The following NUDT16 variants were observed in gnomAD, a reference collection of about 807,000 sequenced individuals.
NUDT16 encodes the protein nudix hydrolase 16, also known as U8 snoRNA-decapping enzyme.
A neutral mutation model predicts 11.7 loss-of-function variants in NUDT16; 12 were observed. The ratio of observed to expected loss-of-function variants is 1.03; its 90% CI spans 0.66 to 1.67. NUDT16 has a LOEUF of 1.67. Among genes scored for constraint, NUDT16 ranks in the 40% most tolerant of loss-of-function variants. NUDT16 has a pLI of 0.00. For synonymous variants in NUDT16, 129 were observed against 122.6 expected, an observed-to-expected ratio of 1.05 and a Z score of -0.35; for missense variants, 303 against 268.9, an observed-to-expected ratio of 1.13 and a Z score of -0.89.
rs1310376505 is a variant in NUDT16, at chr3:131,385,674, GTTAA to G, written c.*2337_*2340del. 6.6e-6 allele frequency: 1 copy of G among 152,276 alleles called. No homozygotes were observed. The highest frequency in any genetic ancestry group is 1.5e-5 in the Non-Finnish European group (1 of 68,098). The allele number at this position is 152,276 out of a possible 1,614,324, so 9.4% of individuals were successfully genotyped here. On this transcript the variant is annotated 3_prime_UTR_variant, in exon 3 of 3. Coordinates refer to ENST00000521288, the MANE Select transcript of NUDT16 (RefSeq NM_152395.3). ...TGTACAATGAGGTAGACTCCTAGAG[GTTAA>G]TTATCATCTCCTAATCTTACCCTGA...
At chr3:131,381,977 G>A (rs2097455622) in intron 1 of NUDT16, 35 bp downstream of exon 1, 1 of 1,599,432 alleles carries the variant, frequency 6.3e-7, no homozygotes, top group South Asian at 1.1e-5. Flanking sequence ...CTTTCTGCCT[G>A]AGCCCCGCAC....
In NUDT16 at chr3:131,382,100, C is replaced by A; in HGVS notation, c.193C>A (p.Gln65Lys). 1 of 1,599,394 alleles carries A rather than the reference C, an allele frequency of 6.3e-7. No individual in the cohort carries two copies. The highest frequency in any genetic ancestry group is 8.5e-7 in the Non-Finnish European group (1 of 1,172,896). The change falls in exon 2 of 3, where the codon CAG (glutamine) becomes AAG (lysine). Residue 65 changes from glutamine (Q) to lysine (K), a missense_variant. Transcript: ENST00000521288. ...CTTCCCCGGCGGATTCGTGGACACG[C>A]AGGACAGAAGCCTAGAGGACGGGCT... The part of the protein sequence containing the change: ...LGFPGGFVDT[Q>K]DRSLEDGLNR...
rs535825759 is a variant in NUDT16 at position 131,386,927 on chromosome 3, T to C, written c.*3586T>C. 1 of 152,340 alleles carries C rather than the reference T, an allele frequency of 6.6e-6. No individual in the cohort carries two copies. The highest frequency in any genetic ancestry group is 1.9e-4 in the East Asian group (1 of 5,176). 9.4% of individuals were successfully genotyped at this position (152,340 alleles called of 1,614,324 possible). A position where few individuals can be genotyped will look rare whatever the true frequency, so the allele number is the denominator to read the frequency against. On this transcript the variant is annotated 3_prime_UTR_variant, in exon 3 of 3. Transcript: ENST00000521288. Reference sequence around the variant, plus strand: ...GAGAAGAGGGAAGGCATGTTTCCTATATGAGTTTCAGTTTGTTGCACAGAA... The same window carrying C: ...GAGAAGAGGGAAGGCATGTTTCCTACATGAGTTTCAGTTTGTTGCACAGAA...
chr3:131,383,599 C>T lies in NUDT16; in HGVS notation c.*258C>T. On this transcript the variant is annotated 3_prime_UTR_variant, in exon 3 of 3. Transcript: ENST00000521288. This position sits in a 1 kb window ranked among gnomAD's most constrained non-coding sequence, Gnocchi z 4.4. The stretch of plus-strand genomic sequence containing the variant: ...CTCCTCCCTGTTTATATGCGTACAG[C>T]CTGGTAACCCCCAGGCATGCAAATA... 1 of 649,958 alleles carries T rather than the reference C, an allele frequency of 1.5e-6. No homozygotes were observed. The highest frequency in any genetic ancestry group is 2.6e-6 in the Non-Finnish European group (1 of 382,426). The allele number at this position is 649,958 out of a possible 1,614,324, so 40.3% of individuals were successfully genotyped here.
Position 131,383,687 on chromosome 3 carries a change from G to T in NUDT16, c.*346G>T. On this transcript the variant is annotated 3_prime_UTR_variant, in exon 3 of 3. Transcript: ENST00000521288. The surrounding 1 kb of genome is among the most constrained non-coding windows in gnomAD (Gnocchi z 4.4). ...TGGTCATGTCCAGTTTAACCTTGAA[G>T]TGGCATTTGTCACACTACCCTGGTC... is the stretch of plus-strand genomic sequence containing the variant. The T allele has an allele frequency of 1.9e-6, 1 of 532,462 alleles. No individual in the cohort carries two copies. Among genetic ancestry groups the T allele is most frequent in the Non-Finnish European group, 3.4e-6 (1 of 296,902 alleles). The allele number at this position is 532,462 out of a possible 1,614,324, so 33.0% of individuals were successfully genotyped here.
rs773744956 is a variant in NUDT16 at position 131,383,162 on chromosome 3, G to A, written c.409G>A (p.Val137Met). Residue 137 changes from valine (V) to methionine (M), a missense_variant and splice_region_variant, in exon 3 of 3, where the codon GTG becomes ATG. Physicochemically the swap from Val to Met is conservative, Grantham distance 21. Coordinates refer to ENST00000521288, the MANE Select transcript of NUDT16 (RefSeq NM_152395.3). This position sits in a 1 kb window ranked among gnomAD's most constrained non-coding sequence, Gnocchi z 4.4. ...ATRAKDHGLE[V>M]LGLVRVPLYT... ...GTCTCCTGTCTCCTTCCTTTTACAG[G>A]TGCTGGGCCTGGTGCGAGTGCCCCT... 6.2e-7 allele frequency: 1 copy of A among 1,611,520 alleles called. No individual in the cohort carries two copies. Among genetic ancestry groups the A allele is most frequent in the Non-Finnish European group, 8.5e-7 (1 of 1,179,296 alleles).
In NUDT16 at chr3:131,385,380, C is replaced by T. The variant is rs2110661430; in HGVS notation, c.*2039C>T. ...GAGGCTGGAGGGCAGGGTGAGCCTC[C>T]ACATGGGTGCTGAAGCAAGAAACCG... On this transcript the variant is annotated 3_prime_UTR_variant, in exon 3 of 3. Transcript: ENST00000521288. The T allele has an allele frequency of 6.6e-6, 1 of 152,656 alleles. No homozygotes were observed. Among genetic ancestry groups the T allele is most frequent in the East Asian group, 1.9e-4 (1 of 5,188 alleles). The allele number at this position is 152,656 out of a possible 1,614,324, so 9.5% of individuals were successfully genotyped here. A position where few individuals can be genotyped will look rare whatever the true frequency, so the allele number is the denominator to read the frequency against.
At position 131,383,558 on chromosome 3, in the gene NUDT16, G is replaced by A; in HGVS notation, c.*217G>A. 1 of 1,047,454 alleles carries A rather than the reference G, an allele frequency of 9.5e-7. No individual in the cohort carries two copies. Among genetic ancestry groups the A allele is most frequent in the Admixed American group, 2.6e-5 (1 of 38,486 alleles). 64.9% of individuals were successfully genotyped at this position (1,047,454 alleles called of 1,614,324 possible). ...ACAGCTTATCCCAGGCACCCTGGCAGGTTCTCAGAGCCTGCCTCCTCCCTG... is the reference window on the plus strand; with the variant it reads ...ACAGCTTATCCCAGGCACCCTGGCAAGTTCTCAGAGCCTGCCTCCTCCCTG... On this transcript the variant is annotated 3_prime_UTR_variant, in exon 3 of 3. Coordinates refer to ENST00000521288, the MANE Select transcript of NUDT16 (RefSeq NM_152395.3). The surrounding 1 kb of genome is among the most constrained non-coding windows in gnomAD (Gnocchi z 4.4).
rs1458885096 is a variant in NUDT16 at position 131,384,005 on chromosome 3, G to A, written c.*664G>A. ...TGAGCATGGACATGAGTCCTGTGAG[G>A]ACTGGTGTCTCTCCTCTAGAGCTTT... On this transcript the variant is annotated 3_prime_UTR_variant, in exon 3 of 3. Transcript: ENST00000521288. 1 of 154,766 alleles carries A rather than the reference G, an allele frequency of 6.5e-6. No individual in the cohort carries two copies. The highest frequency in any genetic ancestry group is 2.4e-5 in the African/African-American group (1 of 41,448). The allele number at this position is 154,766 out of a possible 1,614,324, so 9.6% of individuals were successfully genotyped here.
chr3:131,381,728 G>C, upstream of NUDT16: 1 of 1,473,014 alleles, frequency 6.8e-7, no homozygotes, highest in Non-Finnish European at 9.1e-7. Flanking sequence ...GCACCGCCCA[G>C]GCTCGGATTG....
intron 1 of NUDT16, 51 bp from the exon 2 acceptor site, chr3:131,381,995 G>A: frequency 6.3e-7 from 1 of 1,591,742 alleles, no homozygotes; most frequent in Non-Finnish European, 8.6e-7. Flanking sequence ...CACCCTCTCT[G>A]GTGGTCTCCT....
chr3:131,381,777 C>T lies in NUDT16; in HGVS notation c.-28C>T, dbSNP rs1000260423. 6.5e-7 allele frequency: 1 copy of T among 1,536,488 alleles called. No homozygotes were observed. Among genetic ancestry groups the T allele is most frequent in the Non-Finnish European group, 8.7e-7 (1 of 1,147,684 alleles). On this transcript the variant is annotated 5_prime_UTR_variant, in exon 1 of 3. Coordinates refer to ENST00000521288, the MANE Select transcript of NUDT16 (RefSeq NM_152395.3). ...CCCGCCCCTCTGCCCATTGGGCCTT[C>T]GGGACAGCAGAGGAGCAGTGTCCGG...
rs557718227 is a variant in NUDT16 at position 131,386,990 on chromosome 3, C to T, written c.*3649C>T. On this transcript the variant is annotated 3_prime_UTR_variant, in exon 3 of 3. Coordinates refer to ENST00000521288, the MANE Select transcript of NUDT16 (RefSeq NM_152395.3). ...CCTTTATCTCCAATAGAATCACAAA[C>T]GGGTGTCAGAGAGTCAAAACTAGAG... is the stretch of plus-strand genomic sequence containing the variant. The T allele has an allele frequency of 5.9e-5, 9 of 152,280 alleles. No individual in the cohort carries two copies. Among genetic ancestry groups the T allele is most frequent in the East Asian group, 3.9e-4 (2 of 5,192 alleles). 9.4% of individuals were successfully genotyped at this position (152,280 alleles called of 1,614,324 possible).
rs779617762 is a variant in NUDT16 at position 131,382,035 on chromosome 3, C to T, written c.139-11C>T. ...GGCGCCCCTGCCAATCCCCGCTTCC[C>T]CCTCCCGCAGATGCAGATGCGCTTC... On this transcript the variant is annotated splice_polypyrimidine_tract_variant and intron_variant, in intron 1 of 2. Transcript: ENST00000521288. The T allele has an allele frequency of 2.5e-6, 4 of 1,578,486 alleles. No individual in the cohort carries two copies. Among genetic ancestry groups the T allele is most frequent in the South Asian group, 2.3e-5 (2 of 86,588 alleles).
At chr3:131,382,960 AGATT>A in intron 2 of NUDT16, 198 bp from the exon 3 acceptor site, 1 of 631,272 alleles carries the variant, frequency 1.6e-6, no homozygotes, top group Middle Eastern at 4.3e-4. Context: ...GATGTGGGAA[AGATT>A]AATTGATAGA....
Position 131,386,547 on chromosome 3 carries a change from T to G in NUDT16, c.*3206T>G, listed in dbSNP as rs2097460016. ...AGCACTTGGGATAAGCTTGCAGAGA[T>G]GCATTGAGCGGTATGAAAGTACAGG... On this transcript the variant is annotated 3_prime_UTR_variant, in exon 3 of 3. Transcript: ENST00000521288. The G allele has an allele frequency of 6.6e-6, 1 of 152,252 alleles. No homozygotes were observed. Among genetic ancestry groups the G allele is most frequent in the South Asian group, 2.1e-4 (1 of 4,834 alleles). 9.4% of individuals were successfully genotyped at this position (152,252 alleles called of 1,614,324 possible). A position where few individuals can be genotyped will look rare whatever the true frequency, so the allele number is the denominator to read the frequency against.
chr3:131,382,515 C>G (rs1297994423), intron 2 of NUDT16, 200 bp downstream of exon 2: 12 of 1,536,014 alleles, frequency 7.8e-6, no homozygotes, highest in African/African-American at 1.4e-5. Flanking sequence ...AAAGGTCTTT[C>G]CCACCCTTTA....
chr3:131,383,772 C>T lies in NUDT16; in HGVS notation c.*431C>T. The T allele has an allele frequency of 2.9e-6, 1 of 343,086 alleles. No individual in the cohort carries two copies. Among genetic ancestry groups the T allele is most frequent in the Non-Finnish European group, 5.5e-6 (1 of 182,986 alleles). 21.3% of individuals were successfully genotyped at this position (343,086 alleles called of 1,614,324 possible). The stretch of plus-strand genomic sequence containing the variant: ...TCCTTCCCACACTCCTCCATGGTTG[C>T]CCTCCAGGGTCTAGCCCAGCCTATT... On this transcript the variant is annotated 3_prime_UTR_variant, in exon 3 of 3. Transcript: ENST00000521288. The surrounding 1 kb of genome is among the most constrained non-coding windows in gnomAD (Gnocchi z 4.4).
chr3:131,382,083 G>C lies in NUDT16; in HGVS notation c.176G>C (p.Gly59Ala), dbSNP rs943763741. Residue 59 changes from glycine (G) to alanine (A), a missense_variant, in exon 2 of 3, where the codon GGC (glycine) becomes GCC (alanine). Transcript: ENST00000521288. ...TTCGATGGACGCCTGGGCTTCCCCG[G>C]CGGATTCGTGGACACGCAGGACAGA... is the stretch of plus-strand genomic sequence containing the variant. ...MRFDGRLGFP[G>A]GFVDTQDRSL... The C allele has an allele frequency of 3.2e-6, 5 of 1,586,256 alleles. No homozygotes were observed. The highest frequency in any genetic ancestry group is 3.6e-5 in the Admixed American group (2 of 55,148).
Sources: gnomAD v4.1 joint callset for allele counts on GRCh38, gnomAD v4.1.1 for gene constraint, Gnocchi (gnomAD v3.1) non-coding constraint, MANE v1.5 for transcripts, NCBI Gene and HGNC (gene_info 2026-07-23, HGNC 2026-07-21) for gene names.